The following DNAH14 variants were observed in gnomAD, a reference collection of about 807,000 sequenced individuals.
DNAH14 encodes axonemal beta dynein heavy chain 14.
In DNAH14, 478 loss-of-function variants were observed where a neutral mutation model predicts 520.9. The ratio of observed to expected loss-of-function variants is 0.92; its 90% CI spans 0.85 to 0.99. The LOEUF (loss-of-function observed/expected upper bound fraction) is 0.99. DNAH14 is among the 50% of genes least tolerant of loss of function. The pLI is 0.00. For synonymous variants in DNAH14, 1,581 were observed against 1,757.2 expected (o/e 0.90, Z 2.51); for missense variants, 4,831 against 5,234.5 (o/e 0.92, Z 2.38).
intron 1 of DNAH14, among the ~76,000 whole-genome samples, chr1:224,931,488 C>T (rs1377210121): frequency 6.6e-6 from 1 of 152,100 alleles, no homozygotes; most frequent in Non-Finnish European, 1.5e-5. Flanking sequence ...TTGTTAAGTA[C>T]ATTTTACTCC....
intron 36 of DNAH14, among the ~76,000 whole-genome samples, chr1:225,171,396 G>T (rs1234492361): frequency 6.6e-6 from 1 of 152,018 alleles, no homozygotes; most frequent in East Asian, 1.9e-4. Flanking sequence ...GAAGAAAAGA[G>T]AGAAGAATGA....
At chr1:225,339,453 T>C (rs2095134506) in intron 68 of DNAH14, among the ~76,000 whole-genome samples, 1 of 152,246 alleles carries the variant, frequency 6.6e-6, no homozygotes, top group African/African-American at 2.4e-5. Flanking sequence ...GTAACAGTCC[T>C]ACGGGACTTT....
At chr1:225,198,984 G>T (rs1386195617) in intron 38 of DNAH14, among the ~76,000 whole-genome samples, 1 of 151,930 alleles carries the variant, frequency 6.6e-6, no homozygotes, top group African/African-American at 2.4e-5. Context: ...GACTTTTTTT[G>T]TTGGTAATTT....
chr1:224,976,514 G>T (rs956628224), intron 8 of DNAH14, among the ~76,000 whole-genome samples: 152 of 152,140 alleles, frequency 1.0e-3, no homozygotes, highest in Non-Finnish European at 2.0e-3. Flanking sequence ...AAGAGCTTCT[G>T]CACAGCAAAA....
Position 225,351,709 on chromosome 1 carries a change from T to C in DNAH14, c.11359T>C (p.Cys3787Arg). The C allele has an allele frequency of 2.6e-6, 4 of 1,551,214 alleles. No homozygotes were observed. The highest frequency in any genetic ancestry group is 3.5e-6 in the Non-Finnish European group (4 of 1,146,696). Residue 3787 changes from cysteine (C) to arginine (R), a missense_variant, in exon 72 of 86, where the codon TGC becomes CGC. Coordinates refer to ENST00000682510, the MANE Select transcript of DNAH14 (RefSeq NM_001367479.1). ...GCTGTCAGATTCCAGGTGGAGGCAG[T>C]GCCAATATGTCAGCACTCACCTGGA... is the stretch of plus-strand genomic sequence containing the variant. ...QWLSDSRWRQ[C>R]QYVSTHLEPF...
At chr1:225,218,174 G>A (rs1056440749) in intron 41 of DNAH14, among the ~76,000 whole-genome samples, 1 of 152,022 alleles carries the variant, frequency 6.6e-6, no homozygotes, top group Non-Finnish European at 1.5e-5. Context: ...ATATGGAAAG[G>A]GAAAACTAGT....
chr1:225,165,800 A>T (rs1338255211), intron 35 of DNAH14, among the ~76,000 whole-genome samples: 2 of 151,734 alleles, frequency 1.3e-5, no homozygotes, highest in African/African-American at 4.8e-5. Context: ...GCTCAGGCTG[A>T]TCTCGAACTC....
chr1:225,214,512 A>C (rs918629282), intron 41 of DNAH14, among the ~76,000 whole-genome samples: 18 of 152,172 alleles, frequency 1.2e-4, no homozygotes, highest in Admixed American at 1.1e-3. Flanking sequence ...CTCTGGTAGA[A>C]TTCAGCTGTG....
At chr1:225,369,618 A>G (rs1324617684) in intron 77 of DNAH14, among the ~76,000 whole-genome samples, 2 of 152,114 alleles carry the variant, frequency 1.3e-5, no homozygotes, top group Admixed American at 6.5e-5. Context: ...AAACAAATAT[A>G]AGATGAATAG....
chr1:225,362,040 C>T (rs1473797307), intron 75 of DNAH14, among the ~76,000 whole-genome samples: 2 of 152,288 alleles, frequency 1.3e-5, no homozygotes, highest in Non-Finnish European at 2.9e-5. Flanking sequence ...ATTTATAGGG[C>T]ATCTGCTATT....
chr1:225,304,695 G>T (rs1249034640), intron 57 of DNAH14, among the ~76,000 whole-genome samples: 2 of 152,102 alleles, frequency 1.3e-5, no homozygotes, highest in African/African-American at 4.8e-5. Flanking sequence ...AATGAGTGTG[G>T]CATGCCATTC....
At position 225,206,052 on chromosome 1, in the gene DNAH14, C is replaced by G. The variant is rs1193760268; in HGVS notation, c.6059C>G (p.Thr2020Ser). ...AATCTGAACTCTGTGCTAGATGATA[C>G]TAGAACATTGTGCCTAGCAAACAGT... ...VENLNSVLDD[T>S]RTLCLANSER... Residue 2020 changes from threonine to serine, a missense_variant, in exon 40 of 86, where the codon ACT becomes AGT. By Grantham distance (58) the Thr-to-Ser change is moderately conservative. Transcript: ENST00000682510. 3.2e-6 allele frequency: 5 copies of G among 1,551,574 alleles called. No homozygotes were observed. In the South Asian group the frequency reaches 4.8e-5, roughly 15 times the overall value.
intron 41 of DNAH14, among the ~76,000 whole-genome samples, chr1:225,223,232 G>A (rs1484168813): frequency 6.6e-6 from 1 of 152,038 alleles, no homozygotes; most frequent in African/African-American, 2.4e-5. Flanking sequence ...AAACAATCAG[G>A]TATACAAACC....
At chr1:225,374,472 G>T (rs550922591) in intron 77 of DNAH14, among the ~76,000 whole-genome samples, 1 of 151,440 alleles carries the variant, frequency 6.6e-6, no homozygotes, top group South Asian at 2.1e-4. Flanking sequence ...TGTTGGTCAG[G>T]CTGGTCTCGA....
chr1:225,151,342 G>T (rs1409056218), intron 31 of DNAH14, among the ~76,000 whole-genome samples: 1 of 151,350 alleles, frequency 6.6e-6, no homozygotes, highest in Non-Finnish European at 1.5e-5. Context: ...GGGGTGGGGG[G>T]GTCACAGTAA....
In DNAH14 at chr1:225,079,457, T is replaced by C; in HGVS notation, c.2675T>C (p.Ile892Thr). Residue 892 changes from isoleucine (I) to threonine (T), a missense_variant, in exon 18 of 86, where the codon ATA becomes ACA. Physicochemically the swap from Ile to Thr is moderately conservative, Grantham distance 89. Transcript: ENST00000682510. ...AAATCATCTATGAAGTTAAGTAAAA[T>C]AAATAAAGACACTGCTATAACTAAA... ...QLKSSMKLSK[I>T]NKDTAITKFR... The C allele has an allele frequency of 6.5e-7, 1 of 1,548,188 alleles. No individual in the cohort carries two copies. Among genetic ancestry groups the C allele is most frequent in the South Asian group, 1.2e-5 (1 of 83,314 alleles).
chr1:225,186,831 A>G (rs1228992200), intron 37 of DNAH14, among the ~76,000 whole-genome samples: 1 of 151,810 alleles, frequency 6.6e-6, no homozygotes, highest in Non-Finnish European at 1.5e-5. Flanking sequence ...AATGATTCTC[A>G]CATGTTTAAT....
At chr1:225,359,730 G>A (rs1329513659) in intron 74 of DNAH14, among the ~76,000 whole-genome samples, 4 of 152,174 alleles carry the variant, frequency 2.6e-5, no homozygotes, top group African/African-American at 7.2e-5. Flanking sequence ...GGTGGCTAGG[G>A]CTCTAGCCAT....
chr1:225,063,353 GTAAC>G (rs1348949892), intron 17 of DNAH14, among the ~76,000 whole-genome samples: 3 of 152,152 alleles, frequency 2.0e-5, no homozygotes, highest in East Asian at 3.9e-4. Flanking sequence ...TAAATGCTGT[GTAAC>G]TAATTTTTAT....
Sources: allele counts gnomAD v4.1 joint callset (sites outside exome capture counted in the v4.1 genomes callset), GRCh38; gene constraint gnomAD v4.1.1; transcripts MANE v1.5; gene names NCBI Gene and HGNC (gene_info 2026-07-23, HGNC 2026-07-21).